DLGAP5: variants seen among roughly 807,000 people sequenced by gnomAD.
The protein encoded by DLGAP5 is disks large-associated protein 5.
A neutral mutation model predicts 99.6 loss-of-function variants in DLGAP5; 90 were observed. The observed-to-expected ratio is 0.90, with a 90% CI of 0.76 to 1.08. DLGAP5 has a LOEUF of 1.08. DLGAP5 is among the 50% of genes least tolerant of loss of function. The probability of loss-of-function intolerance (pLI) is 0.00; values close to 1 mark genes in which losing one functional copy is unlikely to be tolerated. For missense variants in DLGAP5, 1,036 were observed against 983.5 expected (o/e 1.05, Z -0.71); for synonymous variants, 311 against 321.3 (o/e 0.97, Z 0.34).
In DLGAP5 at chr14:55,158,735, C is replaced by G; in HGVS notation, c.1660G>C (p.Val554Leu). 1 of 1,612,442 alleles carries G rather than the reference C, an allele frequency of 6.2e-7. No homozygotes were observed. The highest frequency in any genetic ancestry group is 8.5e-7 in the Non-Finnish European group (1 of 1,178,890). ...NMNKNVFRKK[V>L]VSGIASKPKQ... ...GGTTTACTTGCTATACCTGAGACAACTTTTTTCTGCAAAGAGAAACTAACA... is the reference window on the plus strand; with the variant it reads ...GGTTTACTTGCTATACCTGAGACAAGTTTTTTCTGCAAAGAGAAACTAACA... Residue 554 changes from valine (V) to leucine (L), a missense_variant, in exon 14 of 19, where the codon GTT becomes CTT. Val to Leu is a conservative substitution (Grantham distance 32). Transcript: ENST00000247191.
chr14:55,177,809 T>C (rs995223915), intron 7 of DLGAP5, among the ~76,000 whole-genome samples: 3 of 151,436 alleles, frequency 2.0e-5, no homozygotes, highest in African/African-American at 7.3e-5. Flanking sequence ...AGTGCTGGGA[T>C]TACAGGCGGG....
At chr14:55,154,588 A>T in intron 15 of DLGAP5, 29 bp downstream of exon 15, 1 of 1,575,192 alleles carries the variant, frequency 6.3e-7, no homozygotes, top group Non-Finnish European at 8.7e-7. Flanking sequence ...AGCAACTGTT[A>T]AACTCTTATT....
rs1182883109 is a variant in DLGAP5 at position 55,176,019 on chromosome 14, C to T, written c.1050-1G>A. On this transcript the variant is annotated splice_acceptor_variant, in intron 8 of 18. Coordinates refer to ENST00000247191, the MANE Select transcript of DLGAP5 (RefSeq NM_014750.5). LOFTEE classifies it high-confidence loss of function. Reference sequence around the variant, plus strand: ...TTCTTTTGTTGCTTGAGACTCATCACTAAAAACAATAGCAAAAATATACTT... The same window carrying T: ...TTCTTTTGTTGCTTGAGACTCATCATTAAAAACAATAGCAAAAATATACTT... 4 of 1,600,160 alleles carry T rather than the reference C, an allele frequency of 2.5e-6. No individual in the cohort carries two copies. The highest frequency in any genetic ancestry group is 3.4e-6 in the Non-Finnish European group (4 of 1,172,784).
Position 55,169,499 on chromosome 14 carries a change from T to C in DLGAP5, c.1448A>G (p.Lys483Arg), listed in dbSNP as rs994289606. The C allele has an allele frequency of 3.1e-6, 5 of 1,613,108 alleles. No individual in the cohort carries two copies. The highest frequency in any genetic ancestry group is 4.2e-6 in the Non-Finnish European group (5 of 1,179,718). Residue 483 changes from lysine (K) to arginine (R), a missense_variant, in exon 12 of 19, where the codon AAA (lysine) becomes AGA (arginine). Coordinates refer to ENST00000247191, the MANE Select transcript of DLGAP5 (RefSeq NM_014750.5). ...QTRLLMKERF[K>R]QFEGLVDDCE... ...ATCATCAACCAGTCCTTCAAACTGT[T>C]TAAACCTTTCCTTCATAAGGAGTCT... is the stretch of plus-strand genomic sequence containing the variant.
chr14:55,175,209 AAAT>A, intron 10 of DLGAP5, 134 bp downstream of exon 10: 1 of 722,328 alleles, frequency 1.4e-6, no homozygotes, highest in East Asian at 3.1e-5. Flanking sequence ...GTTATCAAAA[AAAT>A]AATTAAAATT....
At chr14:55,182,315 T>TTG in intron 4 of DLGAP5, 55 bp downstream of exon 4, 1 of 1,408,648 alleles carries the variant, frequency 7.1e-7, no homozygotes, top group Non-Finnish European at 9.9e-7. Flanking sequence ...TGAATTTACT[T>TTG]ACTAAAAAAG....
intron 10 of DLGAP5, among the ~76,000 whole-genome samples, chr14:55,173,438 G>GA (rs1182288288): frequency 2.0e-5 from 3 of 151,896 alleles, no homozygotes; most frequent in Admixed American, 1.3e-4. Context: ...CAAAAGAAAA[G>GA]AAAGAAATGA....
intron 2 of DLGAP5, among the ~76,000 whole-genome samples, chr14:55,185,389 C>T (rs539341100): frequency 3.3e-5 from 5 of 152,050 alleles, no homozygotes; most frequent in South Asian, 2.1e-4. Context: ...TTAGTAGAGA[C>T]GGAGTTTCAC....
chr14:55,169,546 A>G lies in DLGAP5; in HGVS notation c.1401T>C (p.Ile467=). ...LDIPDDAKDL[I]RTAVGQTRLL... ...GTCTTGTTTGACCAACTGCTGTGCG[A>G]ATAAGATCTTTAGCTGAAGGAAATA... Residue 467 remains isoleucine (I), a synonymous_variant, in exon 12 of 19, where the codon ATT becomes ATC. Transcript: ENST00000247191. The G allele has an allele frequency of 6.3e-7, 1 of 1,587,178 alleles. No individual in the cohort carries two copies. The highest frequency in any genetic ancestry group is 8.5e-7 in the Non-Finnish European group (1 of 1,173,222).
intron 7 of DLGAP5, among the ~76,000 whole-genome samples, chr14:55,179,231 G>A (rs1310860144): frequency 6.6e-6 from 1 of 151,918 alleles, no homozygotes; most frequent in Non-Finnish European, 1.5e-5. Flanking sequence ...AAGAAAAGAA[G>A]CTCATAAACT....
At chr14:55,172,635 A>G (rs899331805) in intron 10 of DLGAP5, among the ~76,000 whole-genome samples, 1 of 152,038 alleles carries the variant, frequency 6.6e-6, no homozygotes, top group Admixed American at 6.6e-5. Flanking sequence ...AAAAACAGAA[A>G]CAAAAACAAA....
intron 12 of DLGAP5, among the ~76,000 whole-genome samples, chr14:55,164,096 AAC>A (rs1214761684): frequency 2.0e-5 from 3 of 152,108 alleles, no homozygotes; most frequent in East Asian, 1.9e-4. Context: ...CGCCACTGAC[AAC>A]AGTTTGGTAA....
At chr14:55,186,517 T>A (rs1173415345) in intron 2 of DLGAP5, among the ~76,000 whole-genome samples, 1 of 152,230 alleles carries the variant, frequency 6.6e-6, no homozygotes, top group Non-Finnish European at 1.5e-5. Context: ...TCCTCCCCAC[T>A]CTTCTTTTCA....
intron 2 of DLGAP5, among the ~76,000 whole-genome samples, chr14:55,186,441 G>A (rs1402024777): frequency 6.6e-6 from 1 of 152,060 alleles, no homozygotes; most frequent in African/African-American, 2.4e-5. Context: ...CTTAAATCAA[G>A]AACCAAGTAA....
intron 2 of DLGAP5, among the ~76,000 whole-genome samples, chr14:55,188,087 G>A (rs1474579494): frequency 6.6e-6 from 1 of 152,130 alleles, no homozygotes; most frequent in Admixed American, 6.5e-5. Flanking sequence ...AGGACAAGAT[G>A]AGAAAGGAAC....
At chr14:55,151,660 T>C (rs570326723) in intron 17 of DLGAP5, 35 bp downstream of exon 17, 9 of 1,586,396 alleles carry the variant, frequency 5.7e-6, no homozygotes, top group Admixed American at 1.8e-5. Context: ...ATTTCTTTAA[T>C]AAAGGCTCGT....
chr14:55,170,577 A>T (rs1018384169), intron 11 of DLGAP5, 125 bp downstream of exon 11: 2 of 802,252 alleles, frequency 2.5e-6, no homozygotes, highest in Admixed American at 2.7e-5. Flanking sequence ...AAAAAAGAAA[A>T]AATTCTTGCT....
At chr14:55,161,612 G>A (rs1016012519) in intron 13 of DLGAP5, among the ~76,000 whole-genome samples, 1 of 150,840 alleles carries the variant, frequency 6.6e-6, no homozygotes, top group Non-Finnish European at 1.5e-5. Context: ...GTTTCTCCAC[G>A]ATGGTCAGGC....
At chr14:55,163,123 G>T in intron 12 of DLGAP5, 48 bp from the exon 13 acceptor site, 1 of 1,209,132 alleles carries the variant, frequency 8.3e-7, no homozygotes, top group South Asian at 1.6e-5. Flanking sequence ...CCATATTAAA[G>T]TTATAAACGA....
Sources: gnomAD v4.1 joint callset for allele counts (sites outside exome capture counted in the v4.1 genomes callset) on GRCh38, gnomAD v4.1.1 for gene constraint, MANE v1.5 for transcripts, NCBI Gene and HGNC (gene_info 2026-07-23, HGNC 2026-07-21) for gene names.